The following KCNMA1 variants were observed in gnomAD, a reference collection of about 807,000 sequenced individuals.
The protein encoded by KCNMA1 is potassium calcium-activated channel subfamily M alpha 1, also known as Calcium-activated potassium channel subunit alpha-1.
In KCNMA1, 29 loss-of-function variants were observed where a neutral mutation model predicts 140.0. The observed-to-expected ratio is 0.21, with a 90% confidence interval of 0.15 to 0.28. The LOEUF is 0.28. Among genes scored for constraint, KCNMA1 ranks in the 10% least tolerant of loss-of-function variants. The probability of loss-of-function intolerance (pLI) is 1.00; values close to 1 mark genes in which losing one functional copy is unlikely to be tolerated. For synonymous variants in KCNMA1, 612 were observed against 611.9 expected (o/e 1.00, Z 0.00); for missense variants, 880 against 1,602.2 (o/e 0.55, Z 7.70).
chr10:77,542,100 T>C (rs2060318957), intron 1 of KCNMA1, among the ~76,000 whole-genome samples: 1 of 152,178 alleles, frequency 6.6e-6, no homozygotes, highest in Non-Finnish European at 1.5e-5. Flanking sequence ...AGCTGCCTGG[T>C]CCCTTCCATC....
At chr10:77,374,517 T>C (rs1269077603) in intron 2 of KCNMA1, among the ~76,000 whole-genome samples, 1 of 152,206 alleles carries the variant, frequency 6.6e-6, no homozygotes, top group Non-Finnish European at 1.5e-5. Context: ...CATTTCTCCC[T>C]CTTAACACAT....
At chr10:77,189,735 G>A (rs2098923322) in intron 3 of KCNMA1, among the ~76,000 whole-genome samples, 1 of 152,002 alleles carries the variant, frequency 6.6e-6, no homozygotes. Context: ...AAATTGAATG[G>A]GGCCCTCTCA....
At chr10:77,041,205 C>G (rs1320805280) in intron 14 of KCNMA1, among the ~76,000 whole-genome samples, 20 of 6,044 alleles carry the variant, frequency 3.3e-3, no homozygotes, top group Non-Finnish European at 5.1e-3. Context: ...CGCTCTGTCG[C>G]CCAGGCTGGA....
chr10:77,005,600 G>C (rs552370010), intron 18 of KCNMA1, among the ~76,000 whole-genome samples: 1 of 152,172 alleles, frequency 6.6e-6, no homozygotes, highest in Admixed American at 6.5e-5. Flanking sequence ...ACATCATAAG[G>C]TTCTTGTTAT....
At chr10:77,620,348 T>G (rs1252512336) in intron 1 of KCNMA1, among the ~76,000 whole-genome samples, 1 of 152,144 alleles carries the variant, frequency 6.6e-6, no homozygotes, top group Non-Finnish European at 1.5e-5. Context: ...CCACTTTCCA[T>G]GCAGGTGCAA....
chr10:77,404,452 G>A (rs905097155), intron 1 of KCNMA1, among the ~76,000 whole-genome samples: 20 of 151,952 alleles, frequency 1.3e-4, no homozygotes, highest in Admixed American at 2.6e-4. Flanking sequence ...GCTAATTTTT[G>A]TATTTTTAGT....
chr10:77,542,872 T>C (rs1200367707), intron 1 of KCNMA1, among the ~76,000 whole-genome samples: 1 of 152,282 alleles, frequency 6.6e-6, no homozygotes, highest in South Asian at 2.1e-4. Context: ...CTAATTACTA[T>C]ATATTTGCAG....
intron 1 of KCNMA1, chr10:77,433,657 A>G (rs2097196538): frequency 1.3e-5 from 2 of 152,192 alleles, no homozygotes; most frequent in Non-Finnish European, 2.9e-5. Context: ...TTTTTAGTTC[A>G]GCCACAGCAA....
chr10:77,463,028 A>C (rs924677898), intron 1 of KCNMA1, among the ~76,000 whole-genome samples: 6 of 152,150 alleles, frequency 3.9e-5, no homozygotes, highest in Admixed American at 2.6e-4. Flanking sequence ...GGTGGGGAGA[A>C]GGTGGAAGAA....
intron 2 of KCNMA1, among the ~76,000 whole-genome samples, chr10:77,367,058 C>T (rs1276045515): frequency 6.6e-6 from 1 of 152,158 alleles, no homozygotes; most frequent in Admixed American, 6.5e-5. Context: ...AACATGAGAG[C>T]AAAATAGCAT....
intron 9 of KCNMA1, among the ~76,000 whole-genome samples, chr10:77,107,287 G>A (rs776036000): frequency 2.6e-5 from 4 of 152,204 alleles, no homozygotes; most frequent in South Asian, 2.1e-4. Flanking sequence ...TGATAGGAAC[G>A]TCCATGACTG....
At chr10:77,207,091 C>A (rs1273949542) in intron 3 of KCNMA1, among the ~76,000 whole-genome samples, 1 of 152,072 alleles carries the variant, frequency 6.6e-6, no homozygotes. Flanking sequence ...CCACATATTT[C>A]CGCTTTCATT....
At chr10:77,328,944 C>A (rs2085258966) in intron 2 of KCNMA1, among the ~76,000 whole-genome samples, 1 of 152,006 alleles carries the variant, frequency 6.6e-6, no homozygotes, top group African/African-American at 2.4e-5. Context: ...CAGTTCATGC[C>A]ATTCTCCTGC....
intron 1 of KCNMA1, among the ~76,000 whole-genome samples, chr10:77,607,762 C>T (rs1431996168): frequency 6.6e-6 from 1 of 152,130 alleles, no homozygotes; most frequent in Non-Finnish European, 1.5e-5. Context: ...TTTAAAAGCC[C>T]AGGGAAACTG....
intron 1 of KCNMA1, among the ~76,000 whole-genome samples, chr10:77,628,575 G>T (rs914657348): frequency 1.3e-5 from 2 of 151,562 alleles, no homozygotes; most frequent in South Asian, 2.1e-4. Context: ...CCTGGAGGGA[G>T]AGGTTACAGT....
intron 2 of KCNMA1, among the ~76,000 whole-genome samples, chr10:77,283,606 G>T (rs717207): frequency 0.12 from 17,512 of 152,226 alleles, 1,527 homozygotes; most frequent in African/African-American, 0.24. Flanking sequence ...TTGATGAGGT[G>T]GTAGAGTTGG....
At chr10:77,625,205 C>A (rs4979900) in intron 1 of KCNMA1, among the ~76,000 whole-genome samples, 33,827 of 151,790 alleles carry the variant, frequency 0.22, 4,079 homozygotes, top group Middle Eastern at 0.32. Context: ...CATGGTGAAA[C>A]CCCGTCTCTA....
At position 77,637,582 on chromosome 10, in the gene KCNMA1, T is replaced by C; in HGVS notation, c.61A>G (p.Ser21Gly). 6.5e-7 allele frequency: 1 copy of C among 1,532,248 alleles called. No homozygotes were observed. Among genetic ancestry groups the C allele is most frequent in the South Asian group, 1.2e-5 (1 of 83,404 alleles). 94.9% of individuals were successfully genotyped at this position (1,532,248 alleles called of 1,614,324 possible). A position where few individuals can be genotyped will look rare whatever the true frequency, so the allele number is the denominator to read the frequency against. ...ATATTGCTACTCATTCTAAGACTGCTGCCTCCGCCGCCGCCGCCGCCGCCG... is the reference window on the plus strand; with the variant it reads ...ATATTGCTACTCATTCTAAGACTGCCGCCTCCGCCGCCGCCGCCGCCGCCG... The part of the protein sequence containing the change: ...SSGGGGGGGG[S>G]SLRMSSNIHA... The change falls in exon 1 of 28, where the codon AGC becomes GGC. Residue 21 changes from serine (S) to glycine (G), a missense_variant. By Grantham distance (56) the Ser-to-Gly change is moderately conservative (BLOSUM62 0). Transcript: ENST00000286628.
intron 1 of KCNMA1, among the ~76,000 whole-genome samples, chr10:77,593,471 G>C (rs1466825761): frequency 1.3e-5 from 2 of 152,224 alleles, no homozygotes; most frequent in African/African-American, 4.8e-5. Flanking sequence ...AATGGTAGCA[G>C]TGATGAGATC....
Sources: allele counts gnomAD v4.1 joint callset (sites outside exome capture counted in the v4.1 genomes callset), GRCh38; gene constraint gnomAD v4.1.1; transcripts MANE v1.5; gene names NCBI Gene and HGNC (gene_info 2026-07-23, HGNC 2026-07-21).